MILR1: variants seen among roughly 807,000 people sequenced by gnomAD.
The protein encoded by MILR1 is allergin-1.
MILR1 carries 31 observed loss-of-function variants against 18.5 expected under a neutral mutation model. That is an observed-to-expected ratio of 1.68 (90% CI 1.26 to 2.26). MILR1 has a LOEUF of 2.26. MILR1 is among the 30% of genes most tolerant of loss of function. The pLI is 0.00. For synonymous variants in MILR1, 85 were observed against 56.2 expected (o/e 1.51, Z -2.30); for missense variants, 257 against 157.4 (o/e 1.63, Z -3.38).
downstream of MILR1, among the ~76,000 whole-genome samples, chr17:64,473,100 A>T (rs1427742197): frequency 6.6e-6 from 1 of 152,162 alleles, no homozygotes; most frequent in African/African-American, 2.4e-5. Context: ...CTGTAATCCC[A>T]GCACTTTGGG....
Position 64,457,649 on chromosome 17 carries a change from C to A in MILR1, c.617C>A (p.Ala206Glu). 2.1e-6 allele frequency: 1 copy of A among 475,198 alleles called. No homozygotes were observed. Among genetic ancestry groups the A allele is most frequent in the Non-Finnish European group, 3.9e-6 (1 of 259,054 alleles). The allele number at this position is 475,198 out of a possible 1,614,324, so 29.4% of individuals were successfully genotyped here. Residue 206 changes from alanine (A) to glutamate (E), a missense_variant, in exon 4 of 10, where the codon GCA becomes GAA. Transcript: ENST00000619286. ...GCTAAAAACAGATTGCCTAACTATG[C>A]AACATACAGTCACCCTGTCACCATG... ...CEAKNRLPNY[A>E]TYSHPVTMPS...
chr17:64,497,089 C>A, the MILR1 span: 9 of 1,059,106 alleles, frequency 8.5e-6, no homozygotes, highest in Middle Eastern at 4.4e-4. Flanking sequence ...AGCGTGCTTG[C>A]GGGCGGCAGG....
rs1598088889 is a variant in MILR1, at chr17:64,452,700, T to C, written c.201T>C (p.Tyr67=). The C allele has an allele frequency of 1.1e-5, 5 of 474,976 alleles. No homozygotes were observed. The East Asian group carries it at 1.6e-4, about 15-fold the overall frequency. 29.4% of individuals were successfully genotyped at this position (474,976 alleles called of 1,614,324 possible). Residue 67 remains tyrosine, a synonymous_variant, in exon 3 of 10, where the codon TAT becomes TAC. Coordinates refer to ENST00000619286, the MANE Select transcript of MILR1 (RefSeq NM_001085423.2). The stretch of plus-strand genomic sequence containing the variant: ...AGAACAAATCACTGCAGATCACCTA[T>C]TCATTGTTTCGACGTAAGACACACC... ...SHKNKSLQIT[Y]SLFRRKTHLG...
At chr17:64,454,820 T>C (rs1443151687) in intron 3 of MILR1, among the ~76,000 whole-genome samples, 1 of 151,914 alleles carries the variant, frequency 6.6e-6, no homozygotes, top group Non-Finnish European at 1.5e-5. Flanking sequence ...ATGTGGAGAC[T>C]GTGTGTCTAC....
At chr17:64,472,097 A>G (rs927077769), downstream of MILR1, among the ~76,000 whole-genome samples, 1 of 152,200 alleles carries the variant, frequency 6.6e-6, no homozygotes. Flanking sequence ...AACCCAGAAA[A>G]CATAAAGGAT....
At chr17:64,486,781 G>C in the MILR1 span, 10 of 152,128 alleles carry the variant, frequency 6.6e-5, no homozygotes, top group Non-Finnish European at 1.3e-4. Flanking sequence ...GAAACGTAAA[G>C]TTATTTTCAT....
the MILR1 span, among the ~76,000 whole-genome samples, chr17:64,482,565 G>A: frequency 3.3e-5 from 5 of 152,118 alleles, no homozygotes; most frequent in East Asian, 1.9e-4. Flanking sequence ...TGATCCACCC[G>A]CTTTGGCCTC....
chr17:64,468,584 C>T lies in MILR1; in HGVS notation c.*303C>T, dbSNP rs552794836. 2.8e-5 allele frequency: 32 copies of T among 1,151,824 alleles called. No homozygotes were observed. Among genetic ancestry groups the T allele is most frequent in the South Asian group, 2.6e-4 (15 of 56,836 alleles). 71.4% of individuals were successfully genotyped at this position (1,151,824 alleles called of 1,614,324 possible). On this transcript the variant is annotated 3_prime_UTR_variant, in exon 10 of 10. Coordinates refer to ENST00000619286, the MANE Select transcript of MILR1 (RefSeq NM_001085423.2). ...AACTACAAGCCTGAGCCACCGTGCC[C>T]GGCCCTGAATCGCTTTAGTAAATAA... is the stretch of plus-strand genomic sequence containing the variant.
chr17:64,496,479 T>C, the MILR1 span: 3 of 1,611,078 alleles, frequency 1.9e-6, no homozygotes, highest in East Asian at 2.2e-5. Flanking sequence ...AGCTGTTCCT[T>C]ACTCAGCTCT....
the MILR1 span, among the ~76,000 whole-genome samples, chr17:64,474,697 TAC>T: frequency 6.6e-6 from 1 of 151,666 alleles, no homozygotes; most frequent in Non-Finnish European, 1.5e-5. Context: ...AGGGAGGAAA[TAC>T]ACACTCTCCT....
the MILR1 span, chr17:64,483,089 G>A: frequency 1.2e-5 from 8 of 683,960 alleles, no homozygotes; most frequent in East Asian, 2.1e-4. Flanking sequence ...TATAACACAA[G>A]TATTAACAAA....
At chr17:64,482,715 G>C in the MILR1 span, among the ~76,000 whole-genome samples, 1 of 152,202 alleles carries the variant, frequency 6.6e-6, no homozygotes, top group Non-Finnish European at 1.5e-5. Context: ...TCCCTAATCA[G>C]AAAATCCGAA....
At chr17:64,469,863 C>T (rs1162198635), downstream of MILR1, among the ~76,000 whole-genome samples, 1 of 152,172 alleles carries the variant, frequency 6.6e-6, no homozygotes, top group Non-Finnish European at 1.5e-5. Flanking sequence ...TTTACCCTGT[C>T]AGGCTCTACT....
intron 2 of MILR1, among the ~76,000 whole-genome samples, chr17:64,452,061 C>G (rs1417435566): frequency 4.0e-5 from 6 of 150,864 alleles, no homozygotes; most frequent in Non-Finnish European, 5.9e-5. Flanking sequence ...TCCACCCAAG[C>G]CATCCATTGG....
chr17:64,479,307 C>T, the MILR1 span, among the ~76,000 whole-genome samples: 1 of 151,812 alleles, frequency 6.6e-6, no homozygotes, highest in South Asian at 2.1e-4. Context: ...CCTCAGCCTC[C>T]CAAGTAGCTA....
the MILR1 span, among the ~76,000 whole-genome samples, chr17:64,488,601 A>T: frequency 6.6e-6 from 1 of 152,208 alleles, no homozygotes; most frequent in Admixed American, 6.5e-5. Flanking sequence ...ATCATCTTTA[A>T]ATCCCTAGTC....
At position 64,466,617 on chromosome 17, in the gene MILR1, C is replaced by T. The variant is rs1555663319; in HGVS notation, c.934C>T (p.Gln312Ter). The change falls in exon 8 of 10, where the codon CAG (glutamine) becomes TAG (stop). Residue 312 changes from glutamine to a stop codon, truncating the protein, a stop_gained. Transcript: ENST00000619286. LOFTEE classifies it high-confidence loss of function. ...QDEAKHSQELQYATPVFQEVA... is the reference protein window; with the variant it reads ...QDEAKHSQEL Reference sequence around the variant, plus strand: ...AGAGGCCAAACACTCCCAGGAGCTACAGTATGCCACCCCCGTGTTCCAGGA... The same window carrying T: ...AGAGGCCAAACACTCCCAGGAGCTATAGTATGCCACCCCCGTGTTCCAGGA... 1 of 1,611,232 alleles carries T rather than the reference C, an allele frequency of 6.2e-7. No homozygotes were observed. The highest frequency in any genetic ancestry group is 2.2e-5 in the East Asian group (1 of 44,792).
At chr17:64,496,519 T>G in the MILR1 span, 3 of 1,613,700 alleles carry the variant, frequency 1.9e-6, no homozygotes, top group South Asian at 3.3e-5. Context: ...GTAGAGTTTC[T>G]GCAGAAACTA....
chr17:64,461,187 C>T (rs1178659040), intron 5 of MILR1, among the ~76,000 whole-genome samples: 1 of 152,128 alleles, frequency 6.6e-6, no homozygotes, highest in Non-Finnish European at 1.5e-5. Context: ...GACGTACAGC[C>T]TGTGCTGTCA....
Sources: gnomAD v4.1 joint callset for allele counts (sites outside exome capture counted in the v4.1 genomes callset) on GRCh38, gnomAD v4.1.1 for gene constraint, MANE v1.5 for transcripts, NCBI Gene and HGNC (gene_info 2026-07-23, HGNC 2026-07-21) for gene names.